PRIMPOL: variants seen among roughly 807,000 people sequenced by gnomAD.
The protein encoded by PRIMPOL is DNA-directed primase/polymerase protein.
Under a neutral mutation model 63.6 loss-of-function variants are expected in PRIMPOL, and 54 were observed. That is an observed-to-expected ratio of 0.85 (90% CI 0.68 to 1.07). PRIMPOL has a LOEUF of 1.07. Among genes scored for constraint, PRIMPOL ranks in the 50% least tolerant of loss-of-function variants. The probability of loss-of-function intolerance (pLI) is 0.00; values close to 1 mark genes in which losing one functional copy is unlikely to be tolerated. For synonymous variants in PRIMPOL, 197 were observed against 220.2 expected (o/e 0.89, Z 0.93); for missense variants, 610 against 648.3 (o/e 0.94, Z 0.64).
rs2150012001 is a variant in PRIMPOL, at chr4:184,652,036, G to C, written c.-124G>C. The C allele has an allele frequency of 6.6e-6, 1 of 152,410 alleles. No individual in the cohort carries two copies. The highest frequency in any genetic ancestry group is 1.5e-5 in the Non-Finnish European group (1 of 68,096). 9.4% of individuals were successfully genotyped at this position (152,410 alleles called of 1,614,324 possible). A position where few individuals can be genotyped will look rare whatever the true frequency, so the allele number is the denominator to read the frequency against. On this transcript the variant is annotated 5_prime_UTR_variant, in exon 2 of 14. Coordinates refer to ENST00000314970, the MANE Select transcript of PRIMPOL (RefSeq NM_152683.4). ...TTCTCTTTACAGAGGTATCCCAGAG[G>C]TGACAGAACTTGATCTGGGCCTGGA...
chr4:184,674,155 G>A (rs1260617197), intron 7 of PRIMPOL, among the ~76,000 whole-genome samples: 6 of 152,076 alleles, frequency 3.9e-5, no homozygotes, highest in African/African-American at 1.4e-4. Context: ...TCAGGCTACC[G>A]GACTAGCAAG....
intron 9 of PRIMPOL, among the ~76,000 whole-genome samples, chr4:184,684,278 A>C (rs1756420309): frequency 6.6e-6 from 1 of 152,120 alleles, no homozygotes; most frequent in Admixed American, 6.6e-5. Flanking sequence ...CAATGCAGTG[A>C]AACCCCGTCT....
chr4:184,677,573 A>G (rs1018918954), intron 7 of PRIMPOL, among the ~76,000 whole-genome samples: 4 of 152,098 alleles, frequency 2.6e-5, no homozygotes, highest in African/African-American at 9.7e-5. Context: ...ATATCTAGGA[A>G]AAACAATTCC....
chr4:184,653,754 T>C (rs1184071259), intron 2 of PRIMPOL, among the ~76,000 whole-genome samples: 1 of 152,152 alleles, frequency 6.6e-6, no homozygotes, highest in African/African-American at 2.4e-5. Context: ...TACACAATTA[T>C]GTAAAAGAAA....
intron 3 of PRIMPOL, chr4:184,657,786 G>C (rs889252555): frequency 6.5e-6 from 1 of 153,418 alleles, no homozygotes; most frequent in Admixed American, 6.6e-5. Context: ...CTGAGGTCCG[G>C]AGTTTGAGAC....
intron 11 of PRIMPOL, among the ~76,000 whole-genome samples, chr4:184,687,091 G>T (rs957069651): frequency 2.0e-5 from 3 of 151,912 alleles, no homozygotes; most frequent in Non-Finnish European, 4.4e-5. Flanking sequence ...TATTTTCTGA[G>T]ATGGAATCTC....
chr4:184,651,240 G>A (rs1744329555), intron 1 of PRIMPOL, among the ~76,000 whole-genome samples: 1 of 151,314 alleles, frequency 6.6e-6, no homozygotes, highest in South Asian at 2.1e-4. Flanking sequence ...GCAGTGAGCT[G>A]AGATTGCGCC....
At chr4:184,677,249 A>C (rs1313053653) in intron 7 of PRIMPOL, among the ~76,000 whole-genome samples, 2 of 151,742 alleles carry the variant, frequency 1.3e-5, no homozygotes, top group African/African-American at 2.4e-5. Context: ...GGCACAAGCC[A>C]CTGCACCTGG....
At chr4:184,693,458 A>G (rs1759524091) in intron 13 of PRIMPOL, among the ~76,000 whole-genome samples, 2 of 152,226 alleles carry the variant, frequency 1.3e-5, no homozygotes, top group Non-Finnish European at 2.9e-5. Flanking sequence ...AACTTTTTAA[A>G]GTAAGATATA....
intron 2 of PRIMPOL, among the ~76,000 whole-genome samples, chr4:184,654,967 C>CT (rs1175044292): frequency 2.0e-5 from 3 of 151,514 alleles, no homozygotes; most frequent in African/African-American, 7.3e-5. Context: ...GATAATATGC[C>CT]TTTGTTTTTT....
intron 3 of PRIMPOL, among the ~76,000 whole-genome samples, chr4:184,658,416 CA>C (rs1262669358): frequency 2.6e-5 from 4 of 152,074 alleles, no homozygotes; most frequent in African/African-American, 9.7e-5. Flanking sequence ...AAATTTATTT[CA>C]AAAAGGTTTT....
Position 184,678,312 on chromosome 4 carries a change from G to T in PRIMPOL, c.925G>T (p.Asp309Tyr). The stretch of plus-strand genomic sequence containing the variant: ...GCGTGTGGCTTTGGAGGTTACTGAA[G>T]ATAACAAATTTTTTCCTATACAGTC... ...GKRVALEVTE[D>Y]NKFFPIQSKD... is the part of the protein sequence containing the mutation. Residue 309 changes from aspartate (D) to tyrosine (Y), a missense_variant, in exon 8 of 14, where the codon GAT (aspartate) becomes TAT (tyrosine). Around this residue, in one of 3 missense-constraint regions of PRIMPOL, gnomAD observed 444 missense variants for 456.4 expected, o/e 0.97. Coordinates refer to ENST00000314970, the MANE Select transcript of PRIMPOL (RefSeq NM_152683.4). The T allele has an allele frequency of 6.2e-7, 1 of 1,607,470 alleles. No homozygotes were observed. The highest frequency in any genetic ancestry group is 8.5e-7 in the Non-Finnish European group (1 of 1,177,552).
intron 6 of PRIMPOL, among the ~76,000 whole-genome samples, chr4:184,668,082 C>T (rs549089455): frequency 6.6e-6 from 1 of 152,186 alleles, no homozygotes; most frequent in Non-Finnish European, 1.5e-5. Context: ...GATGATCAGC[C>T]ACCATCATGG....
rs554785419 is a variant in PRIMPOL at position 184,683,835 on chromosome 4, A to G, written c.1096+1499A>G. ...TGACAGCAATCTAAATGTACAACAA[A>G]ATTGAATTGGTTATATACTATGAAA... On this transcript the variant is annotated intron_variant, in intron 9 of 13. Coordinates refer to ENST00000314970, the MANE Select transcript of PRIMPOL (RefSeq NM_152683.4). Among the ~76,000 whole-genome samples, 44 of 152,328 alleles carry G rather than the reference A, an allele frequency of 2.9e-4. No individual in the cohort carries two copies. In the South Asian group the frequency reaches 8.7e-3, roughly 30 times the overall value.
Position 184,657,104 on chromosome 4 carries a change from G to C in PRIMPOL, c.-37G>C, listed in dbSNP as rs199564366. On this transcript the variant is annotated 5_prime_UTR_variant, in exon 3 of 14. Coordinates refer to ENST00000314970, the MANE Select transcript of PRIMPOL (RefSeq NM_152683.4). ...TAGTAGTAATTGATAGAAATATTACGTGGGATAGGATTTATTCTCTCCACA... is the reference window on the plus strand; with the variant it reads ...TAGTAGTAATTGATAGAAATATTACCTGGGATAGGATTTATTCTCTCCACA... The C allele has an allele frequency of 2.2e-6, 3 of 1,393,536 alleles. No individual in the cohort carries two copies. The highest frequency in any genetic ancestry group is 2.9e-6 in the Non-Finnish European group (3 of 1,051,380). 86.3% of individuals were successfully genotyped at this position (1,393,536 alleles called of 1,614,324 possible).
chr4:184,691,778 C>T, intron 13 of PRIMPOL, 66 bp downstream of exon 13: 1 of 1,222,456 alleles, frequency 8.2e-7, no homozygotes, highest in Non-Finnish European at 1.2e-6. Flanking sequence ...ATACCTGAGC[C>T]ATGAGTAGTG....
intron 13 of PRIMPOL, among the ~76,000 whole-genome samples, chr4:184,692,909 G>A (rs1038216471): frequency 6.6e-6 from 1 of 152,140 alleles, no homozygotes; most frequent in Non-Finnish European, 1.5e-5. Context: ...ATAATGAAGT[G>A]CCTGTACCTG....
At chr4:184,669,602 C>A (rs1013373979) in intron 6 of PRIMPOL, among the ~76,000 whole-genome samples, 1 of 152,264 alleles carries the variant, frequency 6.6e-6, no homozygotes, top group African/African-American at 2.4e-5. Flanking sequence ...GAGGTACCAG[C>A]AGTTTCTGCT....
intron 6 of PRIMPOL, among the ~76,000 whole-genome samples, chr4:184,668,370 A>G (rs746367625): frequency 3.9e-5 from 6 of 152,240 alleles, no homozygotes; most frequent in Non-Finnish European, 7.3e-5. Context: ...TCAGCTGGCT[A>G]GAGTGCGCTG....
Sources: allele counts gnomAD v4.1 joint callset (sites outside exome capture counted in the v4.1 genomes callset), GRCh38; gene constraint gnomAD v4.1.1; regional missense constraint gnomAD v4.1.1; transcripts MANE v1.5; gene names NCBI Gene and HGNC (gene_info 2026-07-23, HGNC 2026-07-21).